SORCS2: variants seen among roughly 807,000 people sequenced by gnomAD.
The protein encoded by SORCS2 is sortilin related VPS10 domain containing receptor 2, also known as VPS10 domain-containing receptor SorCS2.
In SORCS2, 100 loss-of-function variants were observed where a neutral mutation model predicts 141.6. The observed-to-expected ratio is 0.71, with a 90% CI of 0.60 to 0.83. The LOEUF is 0.83. SORCS2 is among the 40% of genes least tolerant of loss of function. The pLI is 0.00. For synonymous variants in SORCS2, 789 were observed against 676.9 expected (o/e 1.17, Z -2.57); for missense variants, 1,646 against 1,560.2 (o/e 1.05, Z -0.93).
At chr4:7,196,122 G>A (rs1727152775) in intron 1 of SORCS2, among the ~76,000 whole-genome samples, 1 of 152,206 alleles carries the variant, frequency 6.6e-6, no homozygotes, top group Non-Finnish European at 1.5e-5. Context: ...CATGGAGATA[G>A]AGAAGGGGAC....
chr4:7,366,018 C>G (rs1577451510), intron 1 of SORCS2, among the ~76,000 whole-genome samples: 1 of 152,168 alleles, frequency 6.6e-6, no homozygotes, highest in South Asian at 2.1e-4. Context: ...ATCTCTGTCC[C>G]CTGTTTTTAT....
intron 10 of SORCS2, among the ~76,000 whole-genome samples, chr4:7,687,678 C>T (rs1723963356): frequency 2.0e-5 from 3 of 152,142 alleles, no homozygotes; most frequent in Non-Finnish European, 2.9e-5. Context: ...GGCCACCTTT[C>T]AGCTGAATTT....
At chr4:7,549,568 C>A (rs759422355) in intron 3 of SORCS2, among the ~76,000 whole-genome samples, 1 of 152,220 alleles carries the variant, frequency 6.6e-6, no homozygotes, top group African/African-American at 2.4e-5. Context: ...GGCCACTGGG[C>A]TTCTCCAAGA....
intron 1 of SORCS2, among the ~76,000 whole-genome samples, chr4:7,323,178 A>C (rs112944297): frequency 5.6e-4 from 85 of 152,368 alleles, no homozygotes; most frequent in African/African-American, 1.9e-3. Flanking sequence ...CACTTCACTA[A>C]GATAACAAAT....
chr4:7,573,641 C>T lies in SORCS2; in HGVS notation c.648+42012C>T, dbSNP rs1715541398. On this transcript the variant is annotated intron_variant, in intron 3 of 26. Coordinates refer to ENST00000507866, the MANE Select transcript of SORCS2 (RefSeq NM_020777.3). ...CAAGTGATTCTCCTGCCTCAGCCCC[C>T]TGAGTAGCTGGGATTACAGGCATGC... 2.0e-5 allele frequency among the ~76,000 whole-genome samples: 3 copies of T among 152,306 alleles called. No individual in the cohort carries two copies. In the South Asian group the frequency reaches 6.2e-4, roughly 32 times the overall value.
rs374122439 is a variant in SORCS2, at chr4:7,496,779, C to G, written c.549-34751C>G. ...CGGAATCCAAGGCGCCTTCACCAGG[C>G]GGGAGATGACAAAACAAAGGACCTT... On this transcript the variant is annotated intron_variant, in intron 2 of 26. Transcript: ENST00000507866. Among the ~76,000 whole-genome samples, 5 of 152,202 alleles carry G rather than the reference C, an allele frequency of 3.3e-5. No individual in the cohort carries two copies. The East Asian group carries it at 5.8e-4, about 18-fold the overall frequency.
rs114993668 is a variant in SORCS2, at chr4:7,325,052, G to A, written c.481-71236G>A. Among the ~76,000 whole-genome samples, 645 of 152,298 alleles carry A rather than the reference G, an allele frequency of 4.2e-3. 7 individuals carry two copies. The highest frequency in any genetic ancestry group is 0.015 in the African/African-American group (629 of 41,564). On this transcript the variant is annotated intron_variant, in intron 1 of 26. Coordinates refer to ENST00000507866, the MANE Select transcript of SORCS2 (RefSeq NM_020777.3). ...TGGGTGGCGCACAGGACCTTGGGCT[G>A]CAGACGAGGCTGTCATCCTGCTGCT...
chr4:7,720,879 A>G (rs556795032), intron 18 of SORCS2, among the ~76,000 whole-genome samples: 6 of 152,346 alleles, frequency 3.9e-5, no homozygotes, highest in South Asian at 4.1e-4. Flanking sequence ...TCACTTACGC[A>G]TGGCTGGGGA....
At chr4:7,692,204 A>T (rs748258613) in intron 11 of SORCS2, among the ~76,000 whole-genome samples, 2 of 152,168 alleles carry the variant, frequency 1.3e-5, no homozygotes, top group Non-Finnish European at 2.9e-5. Flanking sequence ...TGCTGGCCCG[A>T]CATGGCTGCC....
intron 19 of SORCS2, among the ~76,000 whole-genome samples, chr4:7,724,947 G>GTGA (rs1727089161): frequency 1.2e-5 from 1 of 83,124 alleles, no homozygotes. Context: ...GGTGATGGTG[G>GTGA]TGGTGTTGGT....
At chr4:7,473,579 G>A (rs948644129) in intron 2 of SORCS2, among the ~76,000 whole-genome samples, 1 of 152,162 alleles carries the variant, frequency 6.6e-6, no homozygotes, top group African/African-American at 2.4e-5. Flanking sequence ...CCTGGTGTGG[G>A]GGTGAGACTG....
At chr4:7,232,719 C>T (rs534073208) in intron 1 of SORCS2, among the ~76,000 whole-genome samples, 50 of 152,328 alleles carry the variant, frequency 3.3e-4, no homozygotes, top group Admixed American at 1.6e-3. Flanking sequence ...CTCCCGCACC[C>T]TGCTGGGAGC....
intron 3 of SORCS2, among the ~76,000 whole-genome samples, chr4:7,629,758 ACCCCAC>A (rs1719760818): frequency 6.6e-6 from 1 of 151,304 alleles, no homozygotes; most frequent in African/African-American, 2.4e-5. Context: ...CATATATCAA[ACCCCAC>A]CCTCCCTCTA....
At chr4:7,393,963 A>ACT (rs796857054) in intron 1 of SORCS2, among the ~76,000 whole-genome samples, 7 of 152,140 alleles carry the variant, frequency 4.6e-5, no homozygotes, top group African/African-American at 1.7e-4. Flanking sequence ...CTCCTTGATG[A>ACT]CTGCCGAGTC....
At chr4:7,557,888 C>T (rs1714253768) in intron 3 of SORCS2, among the ~76,000 whole-genome samples, 1 of 152,212 alleles carries the variant, frequency 6.6e-6, no homozygotes, top group South Asian at 2.1e-4. Flanking sequence ...TACCCACCAG[C>T]ACATTTCATG....
intron 2 of SORCS2, among the ~76,000 whole-genome samples, chr4:7,443,941 T>G (rs1184403776): frequency 2.0e-5 from 3 of 152,152 alleles, no homozygotes; most frequent in African/African-American, 7.2e-5. Context: ...CTTAACACAA[T>G]GGGCCCCACA....
intron 26 of SORCS2, among the ~76,000 whole-genome samples, chr4:7,738,811 C>T (rs1712413264): frequency 6.6e-6 from 1 of 152,178 alleles, no homozygotes; most frequent in African/African-American, 2.4e-5. Context: ...GACCTTCACA[C>T]TGTCTTGAGA....
At chr4:7,419,156 AG>A (rs1265815325) in intron 2 of SORCS2, among the ~76,000 whole-genome samples, 2 of 152,176 alleles carry the variant, frequency 1.3e-5, no homozygotes, top group Non-Finnish European at 2.9e-5. Flanking sequence ...GGATACAGGG[AG>A]GGGATGAATT....
chr4:7,360,828 T>C (rs924471018), intron 1 of SORCS2, among the ~76,000 whole-genome samples: 1 of 151,732 alleles, frequency 6.6e-6, no homozygotes, highest in Admixed American at 6.6e-5. Context: ...CAAGCGATGC[T>C]CCTGCCTCTG....
Sources: allele counts gnomAD v4.1 joint callset (sites outside exome capture counted in the v4.1 genomes callset), GRCh38; gene constraint gnomAD v4.1.1; transcripts MANE v1.5; gene names NCBI Gene and HGNC (gene_info 2026-07-23, HGNC 2026-07-21).